Variants in ATRX observed in about 807,000 individuals in gnomAD.
The protein encoded by ATRX is chromatin remodeler ATRX.
ATRX carries 12 observed loss-of-function variants against 172.6 expected under a neutral mutation model. That is an observed-to-expected ratio of 0.07 (90% CI 0.04 to 0.11). ATRX has a LOEUF of 0.11. ATRX is among the 10% of genes least tolerant of loss of function. ATRX has a pLI of 1.00. For missense variants in ATRX, 1,368 were observed against 1,767.4 expected (o/e 0.77, Z 4.05); for synonymous variants, 674 against 594.7 (o/e 1.13, Z -1.94).
In ATRX at chrX:77,504,996, GA is replaced by G. The variant is rs1163447114; in HGVS notation, c.*3354del. 7 of 164,151 alleles carry G rather than the reference GA, an allele frequency of 4.3e-5. No homozygotes were observed. Among genetic ancestry groups the G allele is most frequent in the Admixed American group, 8.1e-5 (1 of 12,392 alleles). The allele number at this position is 164,151 out of a possible 1,213,427, so 13.5% of individuals were successfully genotyped here. A position where few individuals can be genotyped will look rare whatever the true frequency, so the allele number is the denominator to read the frequency against. On this transcript the variant is annotated 3_prime_UTR_variant, in exon 35 of 35. Transcript: ENST00000373344. ...TGGGACTGGCTCAGATTATAGACTT[GA>G]AAAAAAATAACGGTAGAAAAATGTT...
At chrX:77,613,018 C>G (rs1314929521) in intron 22 of ATRX, among the ~76,000 whole-genome samples, 1 of 111,333 alleles carries the variant, frequency 9.0e-6, no homozygotes, top group Non-Finnish European at 1.9e-5. Context: ...GGGTTGCTTC[C>G]ACCTTTTTTT....
intron 6 of ATRX, among the ~76,000 whole-genome samples, chrX:77,692,846 AGT>A (rs3063059): frequency 0.082 from 6,737 of 81,934 alleles, 278 homozygotes; most frequent in African/African-American, 0.15. Flanking sequence ...CCAATATTAG[AGT>A]GTGTGTGTGT....
intron 1 of ATRX, among the ~76,000 whole-genome samples, chrX:77,724,107 C>T (rs969341036): frequency 9.1e-6 from 1 of 110,232 alleles, no homozygotes; most frequent in Non-Finnish European, 1.9e-5. Context: ...GGTGAAACCC[C>T]GTCTCCCCTA....
intron 15 of ATRX, among the ~76,000 whole-genome samples, chrX:77,642,391 AG>A (rs1429727449): frequency 8.9e-6 from 1 of 112,335 alleles, no homozygotes; most frequent in African/African-American, 3.2e-5. Flanking sequence ...AGAGGAGCAA[AG>A]ATGAAGGAAA....
At chrX:77,756,639 G>C (rs1347349665) in intron 1 of ATRX, among the ~76,000 whole-genome samples, 2 of 110,639 alleles carry the variant, frequency 1.8e-5, no homozygotes, top group African/African-American at 6.6e-5. Context: ...GCCCCACCCT[G>C]CTTCTGCTAC....
chrX:77,772,222 G>A (rs1319104913), intron 1 of ATRX, among the ~76,000 whole-genome samples: 3 of 107,185 alleles, frequency 2.8e-5, no homozygotes, highest in African/African-American at 1.0e-4. Flanking sequence ...TTGAACCCGG[G>A]AGGCAGAGAA....
rs201853848 is a variant in ATRX at position 77,734,208 on chromosome X, A to AATACATAC, written c.21-16973_21-16966dup. ...GACAAAAGAGCAAGATTCTGTCTCA[A>AATACATAC]ATACATACATACATACATACATACA... On this transcript the variant is annotated intron_variant, in intron 1 of 34. Transcript: ENST00000373344. Among the ~76,000 whole-genome samples, 865 of 92,020 alleles carry AATACATAC rather than the reference A, an allele frequency of 9.4e-3. 4 individuals carry two copies. The highest frequency in any genetic ancestry group is 0.016 in the Middle Eastern group (3 of 190). 79.9% of individuals were successfully genotyped at this position (92,020 alleles called of 115,157 possible). A position where few individuals can be genotyped will look rare whatever the true frequency, so the allele number is the denominator to read the frequency against.
At chrX:77,551,115 C>T (rs1330980843) in intron 30 of ATRX, among the ~76,000 whole-genome samples, 3 of 111,733 alleles carry the variant, frequency 2.7e-5, no homozygotes, top group Non-Finnish European at 1.9e-5. Context: ...GAAAAAACTA[C>T]TTTAAAGTTC....
In ATRX at chrX:77,647,347, C is replaced by T. The variant is rs538769561; in HGVS notation, c.4557+4767G>A. On this transcript the variant is annotated intron_variant, in intron 15 of 34. Coordinates refer to ENST00000373344, the MANE Select transcript of ATRX (RefSeq NM_000489.6). ...TCACAATCAAGAACCTAACTTTACA[C>T]CTTAAGGAACCAGAAAAGGAAGCAC... is the stretch of plus-strand genomic sequence containing the variant. Among the ~76,000 whole-genome samples the T allele has an allele frequency of 6.3e-5, 7 of 111,679 alleles. No homozygotes were observed. The South Asian group carries it at 2.6e-3, about 41-fold the overall frequency.
chrX:77,620,590 T>C (rs2067539761), intron 19 of ATRX, 58 bp from the exon 20 acceptor site: 3 of 1,026,543 alleles, frequency 2.9e-6, no homozygotes, highest in Admixed American at 2.6e-5. Flanking sequence ...GAAAATGTGA[T>C]CCATTTAAGT....
chrX:77,765,455 G>A (rs1603329708), intron 1 of ATRX, among the ~76,000 whole-genome samples: 3 of 111,308 alleles, frequency 2.7e-5, no homozygotes, highest in African/African-American at 6.5e-5. Flanking sequence ...GTATTTTCTC[G>A]AACAAGAGTT....
intron 10 of ATRX, among the ~76,000 whole-genome samples, chrX:77,670,541 G>T (rs2148519177): frequency 9.0e-6 from 1 of 111,245 alleles, no homozygotes; most frequent in East Asian, 2.9e-4. Context: ...AATAACCTGA[G>T]GTCAGGAGTT....
At chrX:77,594,550 G>A (rs2066404365) in intron 25 of ATRX, 1 of 112,053 alleles carries the variant, frequency 8.9e-6, no homozygotes, top group Non-Finnish European at 1.9e-5. Context: ...TTAATGCAAA[G>A]TATTTTAAAA....
chrX:77,655,842 G>A (rs2069518381), intron 13 of ATRX, among the ~76,000 whole-genome samples: 1 of 110,904 alleles, frequency 9.0e-6, no homozygotes, highest in Admixed American at 9.7e-5. Context: ...TACAAATGCA[G>A]ATAGACACCT....
intron 30 of ATRX, among the ~76,000 whole-genome samples, chrX:77,554,395 A>G (rs1304838737): frequency 8.9e-6 from 1 of 111,783 alleles, no homozygotes; most frequent in African/African-American, 3.3e-5. Flanking sequence ...GAAATGTCTG[A>G]TCGAGCCCAC....
intron 34 of ATRX, among the ~76,000 whole-genome samples, chrX:77,510,486 C>G (rs1557036073): frequency 1.8e-5 from 2 of 110,810 alleles, no homozygotes; most frequent in Non-Finnish European, 3.8e-5. Flanking sequence ...CCAAGCAGAC[C>G]CTCGGGGACC....
At chrX:77,701,822 T>C (rs1191381590) in intron 2 of ATRX, among the ~76,000 whole-genome samples, 1 of 111,973 alleles carries the variant, frequency 8.9e-6, no homozygotes, top group African/African-American at 3.2e-5. Context: ...TCCCAGCACT[T>C]TGGGAGGCTG....
intron 19 of ATRX, among the ~76,000 whole-genome samples, chrX:77,630,118 T>C (rs2068044074): frequency 9.0e-6 from 1 of 111,525 alleles, no homozygotes; most frequent in Admixed American, 9.5e-5. Flanking sequence ...TTAAAACAAT[T>C]TTATTTCCAA....
chrX:77,575,487 AAAAT>A (rs1185001100), intron 27 of ATRX: 3 of 111,756 alleles, frequency 2.7e-5, no homozygotes, highest in African/African-American at 6.5e-5. Context: ...GATAATTATT[AAAAT>A]AAATAATCAT....
Sources: allele counts gnomAD v4.1 joint callset (sites outside exome capture counted in the v4.1 genomes callset), GRCh38; gene constraint gnomAD v4.1.1; transcripts MANE v1.5; gene names NCBI Gene and HGNC (gene_info 2026-07-23, HGNC 2026-07-21).